Variants in ZBTB24 observed in about 807,000 individuals in gnomAD.
ZBTB24 encodes zinc finger and BTB domain-containing protein 24.
ZBTB24 carries 32 observed loss-of-function variants against 53.8 expected under a neutral mutation model. The ratio of observed to expected loss-of-function variants is 0.60; its 90% CI spans 0.45 to 0.80. ZBTB24 has a LOEUF of 0.80. ZBTB24 is among the 30% of genes least tolerant of loss of function. The pLI is 0.00. For synonymous variants in ZBTB24, 297 were observed against 306.7 expected, an observed-to-expected ratio of 0.97 and a Z score of 0.33; for missense variants, 722 against 837.1, an observed-to-expected ratio of 0.86 and a Z score of 1.70.
At chr6:109,482,938 C>T (rs966604056) in intron 1 of ZBTB24, among the ~76,000 whole-genome samples, 160 bp downstream of exon 1, 10 of 152,198 alleles carry the variant, frequency 6.6e-5, no homozygotes. Flanking sequence ...CCCCCCGCAG[C>T]CCCGGGTGGT....
chr6:109,465,842 G>A lies in ZBTB24; in HGVS notation c.*9C>T, dbSNP rs1776022962. 6.2e-7 allele frequency: 1 copy of A among 1,614,050 alleles called. No individual in the cohort carries two copies. The highest frequency in any genetic ancestry group is 1.3e-5 in the African/African-American group (1 of 74,912). The stretch of plus-strand genomic sequence containing the variant: ...AGAGCCCAATCAAGCAGTCAAACGT[G>A]TTTACAGGTCAGCTCTGCTCCTGGC... On this transcript the variant is annotated 3_prime_UTR_variant, in exon 7 of 7. Coordinates refer to ENST00000230122, the MANE Select transcript of ZBTB24 (RefSeq NM_014797.3).
Position 109,466,162 on chromosome 6 carries a change from G to A in ZBTB24, c.1783C>T (p.Leu595Phe). Residue 595 changes from leucine to phenylalanine, a missense_variant, in exon 7 of 7, where the codon CTC (leucine) becomes TTC (phenylalanine). Physicochemically the swap from Leu to Phe is conservative, Grantham distance 22. Transcript: ENST00000230122. ...TADQAANLTL[L>F]TQQPEQLQNL... ...TGCAGTTGCTCTGGCTGCTGCGTGA[G>A]CAGGGTAAGATTAGCAGCCTGGTCT... The A allele has an allele frequency of 6.2e-7, 1 of 1,614,254 alleles. No homozygotes were observed. The highest frequency in any genetic ancestry group is 8.5e-7 in the Non-Finnish European group (1 of 1,180,046).
At position 109,481,703 on chromosome 6, in the gene ZBTB24, T is replaced by C; in HGVS notation, c.324A>G (p.Gln108=). Reference sequence around the variant, plus strand: ...TTAAGAACTGAGCAGTAGCCAGGATTTGTTCTGTACTTTTCTCACTGGCAT... The same window carrying C: ...TTAAGAACTGAGCAGTAGCCAGGATCTGTTCTGTACTTTTCTCACTGGCAT... ...YLHASEKSTE[Q]ILATAQFLKV... is the part of the protein sequence containing the mutation. The change falls in exon 2 of 7, where the codon CAA becomes CAG. Residue 108 remains glutamine (Q), a synonymous_variant. Coordinates refer to ENST00000230122, the MANE Select transcript of ZBTB24 (RefSeq NM_014797.3). 1 of 1,614,248 alleles carries C rather than the reference T, an allele frequency of 6.2e-7. No individual in the cohort carries two copies. The highest frequency in any genetic ancestry group is 8.5e-7 in the Non-Finnish European group (1 of 1,180,044).
In ZBTB24 at chr6:109,478,301, T is replaced by A. The variant is rs529370707; in HGVS notation, c.953-1371A>T. ...TAAAAGAAGTTAATCACCTACGTCT[T>A]TAGAGGAATGCACACTTACAGACAG... On this transcript the variant is annotated intron_variant, in intron 2 of 6. Transcript: ENST00000230122. 2.0e-5 allele frequency among the ~76,000 whole-genome samples: 3 copies of A among 152,264 alleles called. No homozygotes were observed. The South Asian group carries it at 6.2e-4, about 32-fold the overall frequency.
chr6:109,472,150 T>G (rs1776180130), intron 5 of ZBTB24, among the ~76,000 whole-genome samples: 1 of 152,108 alleles, frequency 6.6e-6, no homozygotes, highest in African/African-American at 2.4e-5. Context: ...CTGGCACTTC[T>G]CACTCTGAAT....
At chr6:109,476,560 C>T (rs1179199118) in intron 3 of ZBTB24, among the ~76,000 whole-genome samples, 13 of 152,228 alleles carry the variant, frequency 8.5e-5, no homozygotes. Context: ...GCACACTAAA[C>T]TCCCAGCAGC....
rs1776010299 is a variant in ZBTB24 at position 109,465,445 on chromosome 6, C to T, written c.*406G>A. 2 of 585,096 alleles carry T rather than the reference C, an allele frequency of 3.4e-6. No homozygotes were observed. Among genetic ancestry groups the T allele is most frequent in the Non-Finnish European group, 6.0e-6 (2 of 333,502 alleles). 36.2% of individuals were successfully genotyped at this position (585,096 alleles called of 1,614,324 possible). A position where few individuals can be genotyped will look rare whatever the true frequency, so the allele number is the denominator to read the frequency against. On this transcript the variant is annotated 3_prime_UTR_variant, in exon 7 of 7. Coordinates refer to ENST00000230122, the MANE Select transcript of ZBTB24 (RefSeq NM_014797.3). ...AAATAAGAAAATAGAACAAACCATT[C>T]TGCCCAGTTCAACCAAAATGACTCC... is the stretch of plus-strand genomic sequence containing the variant.
Position 109,473,835 on chromosome 6 carries a change from C to G in ZBTB24, c.1288+1564G>C, listed in dbSNP as rs964179544. Among the ~76,000 whole-genome samples, 72 of 152,140 alleles carry G rather than the reference C, an allele frequency of 4.7e-4. 1 individual carries two copies. Among genetic ancestry groups the G allele is most frequent in the African/African-American group, 1.7e-3 (71 of 41,502 alleles). ...CAGTGGCTCACGCCTGTAATCCCAG[C>G]GCTTTGGGAGGCTGGGAGGGTGGAT... On this transcript the variant is annotated intron_variant, in intron 5 of 6. Transcript: ENST00000230122.
At chr6:109,473,660 A>C (rs1776215687) in intron 5 of ZBTB24, among the ~76,000 whole-genome samples, 1 of 152,182 alleles carries the variant, frequency 6.6e-6, no homozygotes, top group Non-Finnish European at 1.5e-5. Context: ...GGGCCTGTCC[A>C]TCTCATTCAC....
Position 109,481,821 on chromosome 6 carries a change from T to C in ZBTB24, c.206A>G (p.Glu69Gly), listed in dbSNP as rs1776424015. 6.2e-7 allele frequency: 1 copy of C among 1,614,104 alleles called. No homozygotes were observed. The highest frequency in any genetic ancestry group is 1.1e-5 in the South Asian group (1 of 91,094). The change falls in exon 2 of 7, where the codon GAG becomes GGG. Residue 69 changes from glutamate (E) to glycine (G), a missense_variant. By Grantham distance (98) the Glu-to-Gly change is moderately conservative. Coordinates refer to ENST00000230122, the MANE Select transcript of ZBTB24 (RefSeq NM_014797.3). ...ATAAATGGATTGGCCGATTTCCCCCTCTTCTGCAAACATCATTGAGAAGTA... is the reference window on the plus strand; with the variant it reads ...ATAAATGGATTGGCCGATTTCCCCCCCTTCTGCAAACATCATTGAGAAGTA... ...SEYFSMMFAE[E>G]GEIGQSIYML... is the part of the protein sequence containing the mutation.
intron 6 of ZBTB24, 88 bp from the exon 7 acceptor site, chr6:109,466,662 G>A: frequency 6.5e-7 from 1 of 1,535,274 alleles, no homozygotes; most frequent in Non-Finnish European, 8.8e-7. Context: ...CAAGAGTAGT[G>A]GAAAATTAAC....
chr6:109,466,654 A>G, intron 6 of ZBTB24, 80 bp from the exon 7 acceptor site: 1 of 1,560,448 alleles, frequency 6.4e-7, no homozygotes, highest in Non-Finnish European at 8.7e-7. Flanking sequence ...GAAGCAATCA[A>G]GAGTAGTGGA....
In ZBTB24 at chr6:109,463,293, C is replaced by G. The variant is rs1464200261; in HGVS notation, c.*2558G>C. On this transcript the variant is annotated 3_prime_UTR_variant, in exon 7 of 7. Transcript: ENST00000230122. ...AGCCTCCACGCCCGGCGTCATTGAA[C>G]TTTTTTATTCAAAGGGGTAGAATGT... is the stretch of plus-strand genomic sequence containing the variant. The G allele has an allele frequency of 6.6e-6, 1 of 152,184 alleles. No homozygotes were observed. The highest frequency in any genetic ancestry group is 1.9e-4 in the East Asian group (1 of 5,192). The allele number at this position is 152,184 out of a possible 1,614,324, so 9.4% of individuals were successfully genotyped here. A position where few individuals can be genotyped will look rare whatever the true frequency, so the allele number is the denominator to read the frequency against.
At position 109,466,359 on chromosome 6, in the gene ZBTB24, T is replaced by C; in HGVS notation, c.1586A>G (p.Asn529Ser). Residue 529 changes from asparagine to serine, a missense_variant, in exon 7 of 7, where the codon AAT becomes AGT. By Grantham distance (46) the Asn-to-Ser change is conservative. Coordinates refer to ENST00000230122, the MANE Select transcript of ZBTB24 (RefSeq NM_014797.3). ...AAGAATATTCCTGACCTCTTCTGTA[T>C]TACTACTGCCAGAAATGCTGCTGGC... is the stretch of plus-strand genomic sequence containing the variant. ...SDASSISGSS[N>S]TEEVRNILQL... is the part of the protein sequence containing the mutation. 1.2e-6 allele frequency: 2 copies of C among 1,614,208 alleles called. No homozygotes were observed. The highest frequency in any genetic ancestry group is 1.1e-5 in the South Asian group (1 of 91,090).
rs1188279970 is a variant in ZBTB24 at position 109,481,126 on chromosome 6, T to C, written c.901A>G (p.Lys301Glu). The C allele has an allele frequency of 6.2e-7, 1 of 1,614,238 alleles. No homozygotes were observed. The highest frequency in any genetic ancestry group is 1.3e-5 in the African/African-American group (1 of 75,054). ...GPEARCKDCGKVFKYNHFLAI... is the reference protein window; with the variant it reads ...GPEARCKDCGEVFKYNHFLAI... ...AAAAAGTGATTGTACTTAAAGACCTTGCCACAGTCTTTACAGCGGGCCTCA... is the reference window on the plus strand; with the variant it reads ...AAAAAGTGATTGTACTTAAAGACCTCGCCACAGTCTTTACAGCGGGCCTCA... Residue 301 changes from lysine (K) to glutamate (E), a missense_variant, in exon 2 of 7, where the codon AAG becomes GAG. Lys to Glu is a moderately conservative substitution (Grantham distance 56). Transcript: ENST00000230122.
Position 109,466,275 on chromosome 6 carries a change from G to T in ZBTB24, c.1670C>A (p.Thr557Asn), listed in dbSNP as rs759946599. 9.3e-6 allele frequency: 15 copies of T among 1,614,102 alleles called. No individual in the cohort carries two copies. In the African/African-American group the frequency reaches 2.0e-4, roughly 22 times the overall value. The part of the protein sequence containing the change: ...SGEQEIQLLV[T>N]DSVHNINFMP... The stretch of plus-strand genomic sequence containing the variant: ...GAAATTGATGTTATGTACAGAATCG[G>T]TTACGAGAAGCTGAATTTCCTGCTC... Residue 557 changes from threonine to asparagine, a missense_variant, in exon 7 of 7, where the codon ACC becomes AAC. By Grantham distance (65) the Thr-to-Asn change is moderately conservative. Transcript: ENST00000230122.
intron 2 of ZBTB24, among the ~76,000 whole-genome samples, chr6:109,478,288 A>T (rs1776321260): frequency 1.3e-5 from 2 of 152,202 alleles, no homozygotes. Context: ...AAAGAAGTTA[A>T]TCACCTACGT....
At chr6:109,479,943 G>T (rs553652737) in intron 2 of ZBTB24, among the ~76,000 whole-genome samples, 1 of 109,868 alleles carries the variant, frequency 9.1e-6, no homozygotes, top group Admixed American at 9.2e-5. Context: ...AAAAAAAAAA[G>T]CTAAAATATA....
At chr6:109,478,384 G>A (rs1213232870) in intron 2 of ZBTB24, among the ~76,000 whole-genome samples, 1 of 152,174 alleles carries the variant, frequency 6.6e-6, no homozygotes, top group East Asian at 1.9e-4. Context: ...GAGTTGGTCT[G>A]GCGATAATTT....
Sources: gnomAD v4.1 joint callset for allele counts (sites outside exome capture counted in the v4.1 genomes callset) on GRCh38, gnomAD v4.1.1 for gene constraint, MANE v1.5 for transcripts, NCBI Gene and HGNC (gene_info 2026-07-23, HGNC 2026-07-21) for gene names.